TENM3: variants seen among roughly 807,000 people sequenced by gnomAD.
TENM3 encodes the protein teneurin-3.
A neutral mutation model predicts 255.1 loss-of-function variants in TENM3; 63 were observed. The ratio of observed to expected loss-of-function variants is 0.25; its 90% CI spans 0.20 to 0.30. TENM3 has a LOEUF of 0.30. TENM3 is among the 10% of genes least tolerant of loss of function. The pLI, the probability that TENM3 is intolerant of heterozygous loss-of-function variation, is 1.00. For missense variants in TENM3, 2,929 were observed against 3,461.1 expected (o/e 0.85, Z 3.86); for synonymous variants, 1,306 against 1,322.3 (o/e 0.99, Z 0.27).
intron 3 of TENM3, among the ~76,000 whole-genome samples, chr4:182,348,534 C>A (rs1421671170): frequency 2.0e-5 from 3 of 152,116 alleles, no homozygotes; most frequent in Admixed American, 6.6e-5. Context: ...GACTAGAATG[C>A]AGCAGGATAA....
intron 3 of TENM3, among the ~76,000 whole-genome samples, chr4:182,350,886 T>C (rs1446012845): frequency 6.6e-6 from 1 of 152,078 alleles, no homozygotes; most frequent in Non-Finnish European, 1.5e-5. Context: ...GGTTTCACCA[T>C]GTTGGCCAGG....
At chr4:182,515,228 A>G (rs1737816103) in intron 3 of TENM3, among the ~76,000 whole-genome samples, 1 of 152,212 alleles carries the variant, frequency 6.6e-6, no homozygotes, top group Non-Finnish European at 1.5e-5. Context: ...GTTTGGCCTT[A>G]AAGGGAAAAT....
intron 1 of TENM3, among the ~76,000 whole-genome samples, chr4:182,211,679 C>T (rs1014762299): frequency 1.3e-5 from 2 of 152,294 alleles, no homozygotes; most frequent in African/African-American, 2.4e-5. Flanking sequence ...TAAAACTGAT[C>T]GTTATGCTGA....
At chr4:182,209,903 G>A (rs1039525464) in intron 1 of TENM3, among the ~76,000 whole-genome samples, 1 of 151,916 alleles carries the variant, frequency 6.6e-6, no homozygotes, top group African/African-American at 2.4e-5. Flanking sequence ...GGGGGAGGTG[G>A]GGTAGAATTA....
the TENM3 span, among the ~76,000 whole-genome samples, chr4:181,523,687 T>C: frequency 1.3e-5 from 2 of 152,192 alleles, no homozygotes; most frequent in African/African-American, 4.8e-5. Context: ...TAAACTGGCA[T>C]CCAAATGTGT....
chr4:181,859,292 GAACT>G, the TENM3 span, among the ~76,000 whole-genome samples: 1 of 140,470 alleles, frequency 7.1e-6, no homozygotes. Context: ...TATGCCATAT[GAACT>G]ATCTGACGAT....
At chr4:181,595,887 A>T in the TENM3 span, among the ~76,000 whole-genome samples, 1 of 152,162 alleles carries the variant, frequency 6.6e-6, no homozygotes, top group Non-Finnish European at 1.5e-5. Context: ...GGTTCAGATA[A>T]CACTTCACAG....
chr4:182,503,662 G>A (rs920036054), intron 3 of TENM3, among the ~76,000 whole-genome samples: 1 of 152,078 alleles, frequency 6.6e-6, no homozygotes, highest in Non-Finnish European at 1.5e-5. Context: ...CACGGTAGAG[G>A]GCAGAAACTC....
At chr4:182,539,547 T>A (rs1740660401) in intron 3 of TENM3, among the ~76,000 whole-genome samples, 1 of 152,152 alleles carries the variant, frequency 6.6e-6, no homozygotes, top group Non-Finnish European at 1.5e-5. Context: ...TTATGAGTGC[T>A]CAAGTGCTAT....
intron 1 of TENM3, among the ~76,000 whole-genome samples, chr4:182,201,576 T>A (rs1440884328): frequency 8.7e-5 from 13 of 150,080 alleles, no homozygotes; most frequent in South Asian, 6.3e-4. Context: ...TGCGAGCAGA[T>A]GCTAAGGGAA....
chr4:182,311,008 C>T (rs530089965), intron 1 of TENM3, among the ~76,000 whole-genome samples: 1 of 152,298 alleles, frequency 6.6e-6, no homozygotes, highest in East Asian at 1.9e-4. Flanking sequence ...CTGTGCCTGG[C>T]CCACAAAACA....
At chr4:182,026,407 G>A in the TENM3 span, among the ~76,000 whole-genome samples, 1 of 152,194 alleles carries the variant, frequency 6.6e-6, no homozygotes, top group South Asian at 2.1e-4. Flanking sequence ...CCCATTCTGT[G>A]GGTTGTCTCT....
chr4:181,645,961 A>G, the TENM3 span, among the ~76,000 whole-genome samples: 1 of 152,256 alleles, frequency 6.6e-6, no homozygotes, highest in Non-Finnish European at 1.5e-5. Context: ...GGTGCTGCCC[A>G]CATGATCTTT....
At chr4:182,550,433 CTGT>C (rs756588806) in intron 3 of TENM3, among the ~76,000 whole-genome samples, 83 of 152,292 alleles carry the variant, frequency 5.5e-4, no homozygotes, top group Non-Finnish European at 1.0e-3. Context: ...GAAGTCACTC[CTGT>C]TGTTTTTCTC....
the TENM3 span, among the ~76,000 whole-genome samples, chr4:181,546,742 G>A: frequency 2.1e-5 from 3 of 146,032 alleles, no homozygotes; most frequent in Non-Finnish European, 3.0e-5. Flanking sequence ...AGAAGAAGAA[G>A]AAATGGCACC....
chr4:181,816,561 CCA>C, the TENM3 span, among the ~76,000 whole-genome samples: 36 of 152,252 alleles, frequency 2.4e-4, 2 homozygotes, highest in East Asian at 2.9e-3. Flanking sequence ...GTAAATATGA[CCA>C]CTGTACCTCC....
chr4:182,547,950 G>A (rs1426717654), intron 3 of TENM3, among the ~76,000 whole-genome samples: 1 of 152,036 alleles, frequency 6.6e-6, no homozygotes, highest in Non-Finnish European at 1.5e-5. Flanking sequence ...AGGCACGATG[G>A]CTCGTGCCTC....
chr4:182,144,829 T>A (rs1227236854), intron 1 of TENM3: 1 of 150,802 alleles, frequency 6.6e-6, no homozygotes, highest in Non-Finnish European at 1.5e-5. Flanking sequence ...CGCCGGGAGC[T>A]GGCGGGCGCG....
intron 18 of TENM3, among the ~76,000 whole-genome samples, chr4:182,739,733 T>A (rs957167828): frequency 6.6e-6 from 1 of 152,146 alleles, no homozygotes; most frequent in Non-Finnish European, 1.5e-5. Context: ...TTAAGACCAT[T>A]ACTTGAAAAT....
Sources: allele counts gnomAD v4.1 joint callset (sites outside exome capture counted in the v4.1 genomes callset), GRCh38; gene constraint gnomAD v4.1.1; transcripts MANE v1.5; gene names NCBI Gene and HGNC (gene_info 2026-07-23, HGNC 2026-07-21).